TRPV3: variants seen among roughly 807,000 people sequenced by gnomAD.
The protein encoded by TRPV3 is transient receptor potential cation channel subfamily V member 3.
A neutral mutation model predicts 87.1 loss-of-function variants in TRPV3; 88 were observed. That is an observed-to-expected ratio of 1.01 (90% CI 0.85 to 1.21). The LOEUF is 1.21. TRPV3 is among the 50% of genes most tolerant of loss of function. The pLI, the probability that TRPV3 is intolerant of heterozygous loss-of-function variation, is 0.00. For synonymous variants in TRPV3, 438 were observed against 423.3 expected (o/e 1.03, Z -0.43); for missense variants, 1,054 against 1,030.1 (o/e 1.02, Z -0.32).
chr17:3,547,986 C>T (rs111836674), intron 2 of TRPV3, among the ~76,000 whole-genome samples: 9 of 152,284 alleles, frequency 5.9e-5, no homozygotes, highest in Middle Eastern at 3.4e-3. Context: ...GACGACAACC[C>T]GGACTGTGAG....
At chr17:3,534,016 T>G (rs1411162903) in intron 7 of TRPV3, among the ~76,000 whole-genome samples, 1 of 152,052 alleles carries the variant, frequency 6.6e-6, no homozygotes, top group Non-Finnish European at 1.5e-5. Flanking sequence ...ATAAGGCAAG[T>G]GACTCACATG....
intron 17 of TRPV3, 62 bp from the exon 18 acceptor site, chr17:3,514,073 T>C: frequency 1.4e-6 from 2 of 1,407,596 alleles, no homozygotes; most frequent in Non-Finnish European, 1.9e-6. Context: ...GTTTCTTTTT[T>C]CTTTTTCTTT....
chr17:3,528,750 C>T lies in TRPV3; in HGVS notation c.1401+87G>A, dbSNP rs60236048. The T allele has an allele frequency of 3.8e-3, 5,848 of 1,522,786 alleles. 217 individuals are homozygous for T. The African/African-American group carries it at 0.071, about 18-fold the overall frequency. 94.3% of individuals were successfully genotyped at this position (1,522,786 alleles called of 1,614,324 possible). On this transcript the variant is annotated intron_variant, in intron 10 of 17. Transcript: ENST00000576742. This position sits in a 1 kb window ranked among gnomAD's most constrained non-coding sequence, Gnocchi z 4.2. ...CGCCCAATCTCCTGGTCTCTCTGGG[C>T]CTCAGTTTTCCCACCTGCACGTGGG... is the stretch of plus-strand genomic sequence containing the variant.
At position 3,554,839 on chromosome 17, in the gene TRPV3, G is replaced by C; in HGVS notation, c.12C>G (p.His4Gln). The change falls in exon 2 of 18, where the codon CAC (histidine) becomes CAG (glutamine). Residue 4 changes from histidine to glutamine, a missense_variant. Transcript: ENST00000576742. Reference sequence around the variant, plus strand: ...CCATGAGAGGCACCATCTCCTTGGGGTGGGCTTTCATGGCTGGAATACAAC... The same window carrying C: ...CCATGAGAGGCACCATCTCCTTGGGCTGGGCTTTCATGGCTGGAATACAAC... MKA[H>Q]PKEMVPLMGK... 6.2e-7 allele frequency: 1 copy of C among 1,610,670 alleles called. No homozygotes were observed. The highest frequency in any genetic ancestry group is 8.5e-7 in the Non-Finnish European group (1 of 1,178,736).
At position 3,545,140 on chromosome 17, in the gene TRPV3, A is replaced by G. The variant is rs9911213; in HGVS notation, c.224+27T>C. The G allele has an allele frequency of 0.35, 538,524 of 1,560,184 alleles. 96,579 individuals are homozygous for G. The highest frequency in any genetic ancestry group is 0.37 in the Non-Finnish European group (419,923 of 1,133,310). On this transcript the variant is annotated intron_variant, in intron 3 of 17. Coordinates refer to ENST00000576742, the MANE Select transcript of TRPV3 (RefSeq NM_145068.4). ...GGAGCTGAGGGCTGGGCCCAGGGCA[A>G]GGGGTTGGGCTGGGGCCCGTACTCA...
At chr17:3,544,311 T>C (rs911035364) in intron 4 of TRPV3, among the ~76,000 whole-genome samples, 1 of 152,202 alleles carries the variant, frequency 6.6e-6, no homozygotes, top group African/African-American at 2.4e-5. Flanking sequence ...TGGCTATGTA[T>C]TTTTAGTTCA....
chr17:3,522,323 CTTCTCTTCGAT>C (rs2074254819), intron 13 of TRPV3, among the ~76,000 whole-genome samples: 1 of 152,086 alleles, frequency 6.6e-6, no homozygotes, highest in Admixed American at 6.6e-5. Context: ...GTAGTCCGCC[CTTCTCTTCGAT>C]TTCACTTTCT....
intron 12 of TRPV3, among the ~76,000 whole-genome samples, chr17:3,525,106 G>A (rs556053423): frequency 2.1e-4 from 32 of 152,030 alleles, no homozygotes; most frequent in South Asian, 4.1e-4. Flanking sequence ...TGCAACCTCC[G>A]CCTCCCAGGC....
Position 3,532,726 on chromosome 17 carries a change from C to G in TRPV3, c.996G>C (p.Glu332Asp). The change falls in exon 8 of 18, where the codon GAG becomes GAC. Residue 332 changes from glutamate to aspartate, a missense_variant. By Grantham distance (45) the Glu-to-Asp change is conservative. Transcript: ENST00000576742. The stretch of plus-strand genomic sequence containing the variant: ...CATCGTTGTTGCGAGTGGTCTCCAG[C>G]TCCCAGTTGCCACTCCGCAGTAGGA... ...DMILLRSGNWELETTRNNDGL... is the reference protein window; with the variant it reads ...DMILLRSGNWDLETTRNNDGL... The G allele has an allele frequency of 6.2e-7, 1 of 1,614,290 alleles. No homozygotes were observed. The highest frequency in any genetic ancestry group is 8.5e-7 in the Non-Finnish European group (1 of 1,180,054).
chr17:3,546,685 A>G (rs1191797861), intron 2 of TRPV3: 1 of 455,682 alleles, frequency 2.2e-6, no homozygotes, highest in Admixed American at 2.3e-5. Context: ...TCCAGATTCA[A>G]AGCTGGGCTA....
At chr17:3,529,395 C>A (rs2074328977) in intron 9 of TRPV3, among the ~76,000 whole-genome samples, 1 of 152,108 alleles carries the variant, frequency 6.6e-6, no homozygotes, top group Non-Finnish European at 1.5e-5. Context: ...GCCCTACCAA[C>A]CAGGCTGCTG....
intron 16 of TRPV3, among the ~76,000 whole-genome samples, chr17:3,515,506 C>T (rs2074172746): frequency 6.6e-6 from 1 of 152,006 alleles, no homozygotes; most frequent in South Asian, 2.1e-4. Flanking sequence ...AATAAAAATA[C>T]AAAAATTATC....
chr17:3,525,864 C>G (rs1232210814), intron 12 of TRPV3, among the ~76,000 whole-genome samples: 2 of 152,110 alleles, frequency 1.3e-5, no homozygotes, highest in Non-Finnish European at 2.9e-5. Context: ...ATAGGCCCAC[C>G]TTGGCCCACC....
rs2074322667 is a variant in TRPV3 at position 3,528,766 on chromosome 17, T to G, written c.1401+71A>C. ...CTCTCTGGGCCTCAGTTTTCCCACCTGCACGTGGGGCAGCTCCAAGCCCCT... is the reference window on the plus strand; with the variant it reads ...CTCTCTGGGCCTCAGTTTTCCCACCGGCACGTGGGGCAGCTCCAAGCCCCT... On this transcript the variant is annotated intron_variant, in intron 10 of 17. Coordinates refer to ENST00000576742, the MANE Select transcript of TRPV3 (RefSeq NM_145068.4). The surrounding 1 kb of genome is among the most constrained non-coding windows in gnomAD (Gnocchi z 4.2). 1.9e-6 allele frequency: 3 copies of G among 1,582,448 alleles called. No individual in the cohort carries two copies. The highest frequency in any genetic ancestry group is 1.3e-5 in the African/African-American group (1 of 74,198).
At chr17:3,515,924 T>C (rs9897180) in intron 16 of TRPV3, among the ~76,000 whole-genome samples, 45,289 of 151,270 alleles carry the variant, frequency 0.3, 6,922 homozygotes, top group South Asian at 0.38. Context: ...CGGTGGCTCA[T>C]GCCTGTAATC....
intron 2 of TRPV3, chr17:3,546,526 G>C: frequency 2.6e-6 from 1 of 383,318 alleles, no homozygotes. Context: ...GGGTGAGGGA[G>C]GACAATTTCT....
intron 12 of TRPV3, among the ~76,000 whole-genome samples, chr17:3,525,338 T>A (rs1376734437): frequency 6.6e-6 from 1 of 152,118 alleles, no homozygotes; most frequent in Non-Finnish European, 1.5e-5. Context: ...TTTTAAAGTA[T>A]GATGTATGCT....
chr17:3,522,470 C>A (rs924478019), intron 13 of TRPV3, among the ~76,000 whole-genome samples: 22 of 152,112 alleles, frequency 1.4e-4, no homozygotes, highest in Non-Finnish European at 1.2e-4. Context: ...TTAGTTATTG[C>A]CATTAATCTC....
At chr17:3,525,434 A>T (rs2074290742) in intron 12 of TRPV3, among the ~76,000 whole-genome samples, 1 of 152,174 alleles carries the variant, frequency 6.6e-6, no homozygotes, top group Admixed American at 6.5e-5. Context: ...TGGTGGTTAC[A>T]GGGGGCCGGG....
Sources: gnomAD v4.1 joint callset for allele counts (sites outside exome capture counted in the v4.1 genomes callset) on GRCh38, gnomAD v4.1.1 for gene constraint, Gnocchi (gnomAD v3.1) non-coding constraint, MANE v1.5 for transcripts, NCBI Gene and HGNC (gene_info 2026-07-23, HGNC 2026-07-21) for gene names.